The following UNC13C variants were observed in gnomAD, a reference collection of about 807,000 sequenced individuals.
The protein encoded by UNC13C is protein unc-13 homolog C.
UNC13C carries 174 observed loss-of-function variants against 245.4 expected under a neutral mutation model. That is an observed-to-expected ratio of 0.71 (90% CI 0.63 to 0.80). The LOEUF (loss-of-function observed/expected upper bound fraction) is 0.80, where lower values mean the gene tolerates loss of function less well. Among genes scored for constraint, UNC13C ranks in the 30% least tolerant of loss-of-function variants. The pLI, the probability that UNC13C is intolerant of heterozygous loss-of-function variation, is 0.00. For synonymous variants in UNC13C, 992 were observed against 895.1 expected, an observed-to-expected ratio of 1.11 and a Z score of -1.93; for missense variants, 2,829 against 2,602.9, an observed-to-expected ratio of 1.09 and a Z score of -1.89.
In UNC13C at chr15:54,278,078, C is replaced by CTACCGACCTAACTTTCCT. The variant is rs1470676170; in HGVS notation, c.3818+12587_3818+12604dup. ...AAAATAACTCTTATGTCAATGCTCT[C>CTACCGACCTAACTTTCCT]TACCGACCTAACTTTCCTTACCATC... On this transcript the variant is annotated intron_variant, in intron 10 of 32. Transcript: ENST00000260323. Among the ~76,000 whole-genome samples, 12 of 152,270 alleles carry CTACCGACCTAACTTTCCT rather than the reference C, an allele frequency of 7.9e-5. No individual in the cohort carries two copies. The South Asian group carries it at 2.3e-3, about 29-fold the overall frequency.
At chr15:54,251,624 T>C (rs541139573) in intron 8 of UNC13C, among the ~76,000 whole-genome samples, 2 of 152,360 alleles carry the variant, frequency 1.3e-5, no homozygotes, top group South Asian at 2.1e-4. Context: ...TTCACTACTT[T>C]ATTTATTTGG....
At chr15:54,555,984 C>A (rs8040295) in intron 29 of UNC13C, among the ~76,000 whole-genome samples, 9,314 of 152,118 alleles carry the variant, frequency 0.061, 389 homozygotes, top group Admixed American at 0.13. Context: ...AATTTCATTT[C>A]ATTTTCTGCT....
the UNC13C span, chr15:53,912,316 C>A: frequency 6.6e-6 from 1 of 152,298 alleles, no homozygotes; most frequent in African/African-American, 2.4e-5. Flanking sequence ...GATTAGGGAA[C>A]TGGCTGAGTT....
the UNC13C span, among the ~76,000 whole-genome samples, chr15:53,864,490 T>C: frequency 1.3e-5 from 2 of 152,218 alleles, no homozygotes; most frequent in East Asian, 1.9e-4. Context: ...CGCAGACTTA[T>C]TGCATGATTA....
the UNC13C span, among the ~76,000 whole-genome samples, chr15:53,916,161 T>C: frequency 3.3e-5 from 5 of 152,270 alleles, no homozygotes; most frequent in Non-Finnish European, 7.4e-5. Context: ...ATAGAAGAGC[T>C]TGGATCCCAC....
the UNC13C span, among the ~76,000 whole-genome samples, chr15:53,926,441 T>C: frequency 6.6e-6 from 1 of 152,216 alleles, no homozygotes; most frequent in Non-Finnish European, 1.5e-5. Flanking sequence ...GTGTTCTATG[T>C]ATATTAAGGC....
At chr15:54,505,318 C>T (rs540673767) in intron 22 of UNC13C, among the ~76,000 whole-genome samples, 6 of 152,284 alleles carry the variant, frequency 3.9e-5, no homozygotes, top group African/African-American at 1.2e-4. Context: ...GAGTTACCTC[C>T]ACCCTGCCAT....
At chr15:54,368,562 G>T (rs1020650431) in intron 17 of UNC13C, among the ~76,000 whole-genome samples, 1 of 151,732 alleles carries the variant, frequency 6.6e-6, no homozygotes, top group African/African-American at 2.4e-5. Context: ...AACCAATGTG[G>T]TCTGCTATTT....
At chr15:53,847,031 A>G in the UNC13C span, among the ~76,000 whole-genome samples, 5 of 152,166 alleles carry the variant, frequency 3.3e-5, no homozygotes, top group Admixed American at 6.6e-5. Context: ...GTTCTGGTCT[A>G]CAGGTACTTG....
At position 54,006,963 on chromosome 15, in the gene UNC13C, CT is replaced by C. The variant is rs1258448422; in HGVS notation, c.-256-5683del. ...TTCTGCACTTTGTGAGGGTTGCTTC[CT>C]TCTCTGTTGCAGTGATTCTGCCCTC... On this transcript the variant is annotated intron_variant, in intron 1 of 32. Coordinates refer to ENST00000260323, the MANE Select transcript of UNC13C (RefSeq NM_001080534.3). Among the ~76,000 whole-genome samples, 15 of 152,308 alleles carry C rather than the reference CT, an allele frequency of 9.8e-5. No homozygotes were observed. In the East Asian group the frequency reaches 2.5e-3, roughly 25 times the overall value.
At chr15:54,417,071 C>T (rs531842768) in intron 19 of UNC13C, 105 of 416,556 alleles carry the variant, frequency 2.5e-4, no homozygotes, top group Non-Finnish European at 4.4e-4. Context: ...TGCTGCGTAA[C>T]AACTGATTTT....
At chr15:54,549,212 G>A (rs1896625873) in intron 27 of UNC13C, among the ~76,000 whole-genome samples, 1 of 152,156 alleles carries the variant, frequency 6.6e-6, no homozygotes, top group Admixed American at 6.6e-5. Flanking sequence ...GTCGCTAATA[G>A]ACTGGACAGC....
chr15:54,010,811 A>G (rs1023004515), intron 1 of UNC13C, among the ~76,000 whole-genome samples: 7 of 152,174 alleles, frequency 4.6e-5, no homozygotes, highest in East Asian at 1.9e-4. Flanking sequence ...AGGTATGAAC[A>G]TGGGATGGAT....
chr15:54,297,871 TA>T lies in UNC13C; in HGVS notation c.4053del (p.Gly1352GlufsTer23). Reference protein sequence around the residue: ...GAIRLKINVEIKGEEKVAPYH... With the variant: ...GAIRLKINVEXKGEEKVAPYH... ...ATACGATTGAAAATCAATGTGGAGA[TA>T]AAAGGAGAAGAGAAGGTTGCTCCAT... On this transcript the variant is annotated frameshift_variant, in exon 12 of 33. Transcript: ENST00000260323. LOFTEE classifies it high-confidence loss of function. The T allele has an allele frequency of 6.2e-7, 1 of 1,611,166 alleles. No individual in the cohort carries two copies. Among genetic ancestry groups the T allele is most frequent in the Non-Finnish European group, 8.5e-7 (1 of 1,178,634 alleles).
intron 16 of UNC13C, 55 bp downstream of exon 16, chr15:54,333,911 C>T: frequency 7.5e-7 from 1 of 1,336,642 alleles, no homozygotes; most frequent in Non-Finnish European, 1.1e-6. Flanking sequence ...ACATTCATCC[C>T]CTGGTAAAGT....
At chr15:53,951,390 G>A in the UNC13C span, among the ~76,000 whole-genome samples, 1 of 152,170 alleles carries the variant, frequency 6.6e-6, no homozygotes, top group African/African-American at 2.4e-5. Flanking sequence ...CATTTTTTGG[G>A]CTGCCCACTA....
At position 54,627,138 on chromosome 15, in the gene UNC13C, T is replaced by TAA; in HGVS notation, c.*26_*27dup. On this transcript the variant is annotated 3_prime_UTR_variant, in exon 33 of 33. Coordinates refer to ENST00000260323, the MANE Select transcript of UNC13C (RefSeq NM_001080534.3). The stretch of plus-strand genomic sequence containing the variant: ...AAACAAACACTGCAAGCTAAATACA[T>TAA]AACTATAATTGTTTGACTACTGCAT... The TAA allele has an allele frequency of 6.3e-7, 1 of 1,582,864 alleles. No homozygotes were observed.
intron 19 of UNC13C, among the ~76,000 whole-genome samples, chr15:54,471,633 A>G (rs1035566972): frequency 6.6e-6 from 1 of 151,598 alleles, no homozygotes; most frequent in Admixed American, 6.6e-5. Context: ...GCATATAGGT[A>G]TAGTCTAACT....
rs564217158 is a variant in UNC13C, at chr15:54,482,636, T to TGCTGTATTCCACTGTTCTCTCCCAGAC, written c.4934-11960_4934-11959insTGTTCTCTCCCAGACGCTGTATTCCAC. Among the ~76,000 whole-genome samples the TGCTGTATTCCACTGTTCTCTCCCAGAC allele has an allele frequency of 3.9e-5, 6 of 152,250 alleles. No homozygotes were observed. In the East Asian group the frequency reaches 1.2e-3, roughly 29 times the overall value. On this transcript the variant is annotated intron_variant, in intron 19 of 32. Coordinates refer to ENST00000260323, the MANE Select transcript of UNC13C (RefSeq NM_001080534.3). Reference sequence around the variant, plus strand: ...CTGAATTCCACTGTTCTCTCCCAGATGCTGTATTCCACATGTGGTTACCTA... The same window carrying TGCTGTATTCCACTGTTCTCTCCCAGAC: ...CTGAATTCCACTGTTCTCTCCCAGATGCTGTATTCCACTGTTCTCTCCCAGACGCTGTATTCCACATGTGGTTACCTA...
Sources: allele counts gnomAD v4.1 joint callset (sites outside exome capture counted in the v4.1 genomes callset), GRCh38; gene constraint gnomAD v4.1.1; transcripts MANE v1.5; gene names NCBI Gene and HGNC (gene_info 2026-07-23, HGNC 2026-07-21).